The following PRMT1 variants were observed in gnomAD, a reference collection of about 807,000 sequenced individuals.
PRMT1 encodes the protein protein arginine methyltransferase 1.
PRMT1 carries 5 observed loss-of-function variants against 47.4 expected under a neutral mutation model. That is an observed-to-expected ratio of 0.11 (90% CI 0.06 to 0.22). PRMT1 has a LOEUF of 0.22. PRMT1 is among the 10% of genes least tolerant of loss of function. The pLI is 1.00. For synonymous variants in PRMT1, 227 were observed against 204.6 expected (o/e 1.11, Z -0.94); for missense variants, 249 against 518.4 (o/e 0.48, Z 5.05).
intron 5 of PRMT1, 95 bp from the exon 6 acceptor site, chr19:49,683,832 A>C: frequency 7.0e-7 from 1 of 1,425,292 alleles, no homozygotes; most frequent in South Asian, 1.3e-5. Context: ...AGTTCTCTGA[A>C]CTGAAGTGGG....
At chr19:49,686,555 G>T in intron 9 of PRMT1, 50 bp from the exon 10 acceptor site, 10 of 1,575,738 alleles carry the variant, frequency 6.3e-6, no homozygotes, top group Non-Finnish European at 8.6e-6. Flanking sequence ...GCAAGGGTGG[G>T]GTTGGGGGGG....
In PRMT1 at chr19:49,684,609, TG is replaced by T; in HGVS notation, c.556-142del. The T allele has an allele frequency of 1.0e-6, 1 of 965,714 alleles. No homozygotes were observed. Among genetic ancestry groups the T allele is most frequent in the East Asian group, 2.7e-5 (1 of 37,144 alleles). 59.8% of individuals were successfully genotyped at this position (965,714 alleles called of 1,614,324 possible). On this transcript the variant is annotated intron_variant, in intron 6 of 10. Coordinates refer to ENST00000454376, the MANE Select transcript of PRMT1 (RefSeq NM_001536.6). This position sits in a 1 kb window ranked among gnomAD's most constrained non-coding sequence, Gnocchi z 6.2. ...CCCTGGGTGCCCTCTGGCGGCCGTG[TG>T]GGAAATAGACCAGGGGGCGAGGGGT...
In PRMT1 at chr19:49,684,486, G is replaced by T. The variant is rs534133722; in HGVS notation, c.556-268G>T. Among the ~76,000 whole-genome samples, 1 of 152,164 alleles carries T rather than the reference G, an allele frequency of 6.6e-6. No homozygotes were observed. The highest frequency in any genetic ancestry group is 2.4e-5 in the African/African-American group (1 of 41,452). On this transcript the variant is annotated intron_variant, in intron 6 of 10. Coordinates refer to ENST00000454376, the MANE Select transcript of PRMT1 (RefSeq NM_001536.6). This position sits in a 1 kb window ranked among gnomAD's most constrained non-coding sequence, Gnocchi z 6.2. ...GGGTGACAGGGCGTGTGCAGATTTT[G>T]TGGAGGCTTATGGGACCCCGTGCTT...
chr19:49,684,976 AGGAGCCCCTAGT>A lies in PRMT1; in HGVS notation c.702_713del (p.Glu234_Val237del), dbSNP rs749856127. On this transcript the variant is annotated inframe_deletion, in exon 8 of 11. Coordinates refer to ENST00000454376, the MANE Select transcript of PRMT1 (RefSeq NM_001536.6). This position sits in a 1 kb window ranked among gnomAD's most constrained non-coding sequence, Gnocchi z 6.2. ...TCTTGCATCAAAGATGTGGCCATTAAGGAGCCCCTAGTGGATGTCGTGGACCCCAAACAGCTG... is the reference window on the plus strand; with the variant it reads ...TCTTGCATCAAAGATGTGGCCATTAAGGATGTCGTGGACCCCAAACAGCTG... 6.2e-7 allele frequency: 1 copy of A among 1,607,706 alleles called. No individual in the cohort carries two copies. The highest frequency in any genetic ancestry group is 8.5e-7 in the Non-Finnish European group (1 of 1,175,738).
chr19:49,680,139 C>G lies in PRMT1; in HGVS notation c.90+214C>G, dbSNP rs1213012881. On this transcript the variant is annotated intron_variant, in intron 2 of 10. Transcript: ENST00000454376. The surrounding 1 kb of genome is among the most constrained non-coding windows in gnomAD (Gnocchi z 4.2). The stretch of plus-strand genomic sequence containing the variant: ...GCTACTTCCTTAACTCCACCTCCAA[C>G]CCCCCTTTGCCCTTCCCTGTGTCTG... 1 of 1,335,602 alleles carries G rather than the reference C, an allele frequency of 7.5e-7. No individual in the cohort carries two copies. Among genetic ancestry groups the G allele is most frequent in the South Asian group, 1.3e-5 (1 of 79,436 alleles). The allele number at this position is 1,335,602 out of a possible 1,614,324, so 82.7% of individuals were successfully genotyped here.
In PRMT1 at chr19:49,680,461, C is replaced by G; in HGVS notation, c.91-26C>G. 6.3e-7 allele frequency: 1 copy of G among 1,578,132 alleles called. No homozygotes were observed. The highest frequency in any genetic ancestry group is 8.7e-7 in the Non-Finnish European group (1 of 1,147,448). On this transcript the variant is annotated intron_variant, in intron 2 of 10. Coordinates refer to ENST00000454376, the MANE Select transcript of PRMT1 (RefSeq NM_001536.6). The surrounding 1 kb of genome is among the most constrained non-coding windows in gnomAD (Gnocchi z 4.2). ...GCTGTGGGGAGCCCCCAGATCTGAC[C>G]CATGATCCCATCGGCCCCCTCCCAG...
chr19:49,683,405 G>A (rs576520198), intron 5 of PRMT1, among the ~76,000 whole-genome samples: 71 of 151,880 alleles, frequency 4.7e-4, no homozygotes, highest in African/African-American at 1.7e-3. Context: ...AAACAAAATC[G>A]CGGCCGGGCA....
chr19:49,685,659 A>T lies in PRMT1; in HGVS notation c.760-434A>T. 9.8e-7 allele frequency: 1 copy of T among 1,021,128 alleles called. No individual in the cohort carries two copies. Among genetic ancestry groups the T allele is most frequent in the Non-Finnish European group, 1.2e-6 (1 of 852,732 alleles). The allele number at this position is 1,021,128 out of a possible 1,614,324, so 63.3% of individuals were successfully genotyped here. ...GGAGGAGTAAGTTGTTGAGTGGGGG[A>T]GGAGAGGAGACTACAGGGGCAGGGA... On this transcript the variant is annotated intron_variant, in intron 8 of 10. Coordinates refer to ENST00000454376, the MANE Select transcript of PRMT1 (RefSeq NM_001536.6). The surrounding 1 kb of genome is among the most constrained non-coding windows in gnomAD (Gnocchi z 4.7).
Position 49,685,082 on chromosome 19 carries a change from A to G in PRMT1, c.759+45A>G. 6.2e-7 allele frequency: 1 copy of G among 1,613,292 alleles called. No homozygotes were observed. The highest frequency in any genetic ancestry group is 8.5e-7 in the Non-Finnish European group (1 of 1,179,636). ...CAGGTGCCCCCTGGGTTGAAACCAA[A>G]GAGAGGCCATCACCTGGCCCTGGCA... On this transcript the variant is annotated intron_variant, in intron 8 of 10. Transcript: ENST00000454376. The surrounding 1 kb of genome is among the most constrained non-coding windows in gnomAD (Gnocchi z 4.7).
chr19:49,677,243 G>T (rs777995967), upstream of PRMT1: 19 of 1,416,228 alleles, frequency 1.3e-5, 2 homozygotes, highest in South Asian at 1.4e-4. Flanking sequence ...AGAAAGGGGG[G>T]GTCTTGGCGG....
At position 49,681,989 on chromosome 19, in the gene PRMT1, T is replaced by C; in HGVS notation, c.272T>C (p.Val91Ala). ...AACCGGCACCTCTTCAAGGACAAGGTGGTGCTGGACGTCGGCTCGGGCACC... is the reference window on the plus strand; with the variant it reads ...AACCGGCACCTCTTCAAGGACAAGGCGGTGCTGGACGTCGGCTCGGGCACC... ...FHNRHLFKDK[V>A]VLDVGSGTGI... The change falls in exon 4 of 11, where the codon GTG (valine) becomes GCG (alanine). Residue 91 changes from valine (V) to alanine (A), a missense_variant. Physicochemically the swap from Val to Ala is moderately conservative, Grantham distance 64 (BLOSUM62 0). Around this residue, in one of 2 missense-constraint regions of PRMT1, gnomAD observed 190 missense variants for 456.7 expected, o/e 0.42. Transcript: ENST00000454376. This position sits in a 1 kb window ranked among gnomAD's most constrained non-coding sequence, Gnocchi z 4.4. The C allele has an allele frequency of 6.2e-7, 1 of 1,614,056 alleles. No homozygotes were observed. The highest frequency in any genetic ancestry group is 8.5e-7 in the Non-Finnish European group (1 of 1,180,002).
In PRMT1 at chr19:49,685,348, C is replaced by A. The variant is rs1018172440; in HGVS notation, c.759+311C>A. The A allele has an allele frequency of 2.3e-6, 3 of 1,295,866 alleles. No homozygotes were observed. The highest frequency in any genetic ancestry group is 3.0e-6 in the Non-Finnish European group (3 of 1,010,888). The allele number at this position is 1,295,866 out of a possible 1,614,324, so 80.3% of individuals were successfully genotyped here. Reference sequence around the variant, plus strand: ...AGGGCGATGAGCGGATGCACATGCACGCGGGCCACTGCAGAAGAGCACGGG... The same window carrying A: ...AGGGCGATGAGCGGATGCACATGCAAGCGGGCCACTGCAGAAGAGCACGGG... On this transcript the variant is annotated intron_variant, in intron 8 of 10. Transcript: ENST00000454376. The surrounding 1 kb of genome is among the most constrained non-coding windows in gnomAD (Gnocchi z 4.7).
chr19:49,685,820 T>G lies in PRMT1; in HGVS notation c.760-273T>G. The G allele has an allele frequency of 7.9e-7, 1 of 1,260,304 alleles. No homozygotes were observed. Among genetic ancestry groups the G allele is most frequent in the Non-Finnish European group, 1.0e-6 (1 of 998,040 alleles). 78.1% of individuals were successfully genotyped at this position (1,260,304 alleles called of 1,614,324 possible). On this transcript the variant is annotated intron_variant, in intron 8 of 10. Coordinates refer to ENST00000454376, the MANE Select transcript of PRMT1 (RefSeq NM_001536.6). This position sits in a 1 kb window ranked among gnomAD's most constrained non-coding sequence, Gnocchi z 4.7. ...GAGACAGTGGAGTGGGGCGCCTGCA[T>G]TCTAGGAGGTCTGGACAGAGTTAGG... is the stretch of plus-strand genomic sequence containing the variant.
Position 49,680,309 on chromosome 19 carries a change from G to T in PRMT1, c.91-178G>T. ...GGGGGGGTCCTGGAAGTGGAAAATG[G>T]GGTTGTTAGGTTTTGGGGTTCCTGG... On this transcript the variant is annotated intron_variant, in intron 2 of 10. Transcript: ENST00000454376. The surrounding 1 kb of genome is among the most constrained non-coding windows in gnomAD (Gnocchi z 4.2). 5.2e-6 allele frequency: 7 copies of T among 1,357,696 alleles called. No homozygotes were observed. Among genetic ancestry groups the T allele is most frequent in the Non-Finnish European group, 7.3e-6 (7 of 953,904 alleles). 84.1% of individuals were successfully genotyped at this position (1,357,696 alleles called of 1,614,324 possible). A position where few individuals can be genotyped will look rare whatever the true frequency, so the allele number is the denominator to read the frequency against.
rs1358447619 is a variant in PRMT1, at chr19:49,684,245, G to T, written c.555+176G>T. On this transcript the variant is annotated intron_variant, in intron 6 of 10. Transcript: ENST00000454376. The surrounding 1 kb of genome is among the most constrained non-coding windows in gnomAD (Gnocchi z 6.2). ...ACCCTGGAGGGAGATGGTGCGATGT[G>T]GGGGAGGTCGTAGGAACAGGAAATC... Among the ~76,000 whole-genome samples, 2 of 151,948 alleles carry T rather than the reference G, an allele frequency of 1.3e-5. No homozygotes were observed. The highest frequency in any genetic ancestry group is 1.9e-4 in the East Asian group (1 of 5,146).
intron 10 of PRMT1, among the ~76,000 whole-genome samples, chr19:49,687,440 G>A (rs959350928): frequency 6.6e-6 from 1 of 152,016 alleles, no homozygotes; most frequent in Admixed American, 6.5e-5. Flanking sequence ...ATGGAATGTG[G>A]ACCCTGGGAC....
intron 1 of PRMT1, among the ~76,000 whole-genome samples, chr19:49,677,908 G>A (rs574034049): frequency 6.6e-6 from 1 of 151,734 alleles, no homozygotes; most frequent in East Asian, 2.0e-4. Flanking sequence ...GTTAGGGACT[G>A]GAGGAAAACC....
At chr19:49,677,585 T>G (rs2122921821) in intron 1 of PRMT1, 1 of 345,482 alleles carries the variant, frequency 2.9e-6, no homozygotes, top group East Asian at 4.3e-5. Context: ...GGCCCCCACG[T>G]GGCCGCTGCG....
rs1032724588 is a variant in PRMT1, at chr19:49,688,092, C to G, written c.1033-70C>G. 14 of 1,349,798 alleles carry G rather than the reference C, an allele frequency of 1.0e-5. No homozygotes were observed. Among genetic ancestry groups the G allele is most frequent in the Non-Finnish European group, 1.3e-5 (12 of 939,768 alleles). 83.6% of individuals were successfully genotyped at this position (1,349,798 alleles called of 1,614,324 possible). On this transcript the variant is annotated intron_variant, in intron 10 of 10. Transcript: ENST00000454376. The surrounding 1 kb of genome is among the most constrained non-coding windows in gnomAD (Gnocchi z 5.3). Reference sequence around the variant, plus strand: ...TGGAGCCCGGCTCATCGTCGCATAGCCTGCCTGCACCCGCCCCCCGCCACC... The same window carrying G: ...TGGAGCCCGGCTCATCGTCGCATAGGCTGCCTGCACCCGCCCCCCGCCACC...
Sources: gnomAD v4.1 joint callset for allele counts (sites outside exome capture counted in the v4.1 genomes callset) on GRCh38, gnomAD v4.1.1 for gene constraint, gnomAD v4.1.1 regional missense constraint, Gnocchi (gnomAD v3.1) non-coding constraint, MANE v1.5 for transcripts, NCBI Gene and HGNC (gene_info 2026-07-23, HGNC 2026-07-21) for gene names.